PLCB1: variants seen among roughly 807,000 people sequenced by gnomAD.
PLCB1 encodes phospholipase C beta 1.
PLCB1 carries 46 observed loss-of-function variants against 161.8 expected under a neutral mutation model. That is an observed-to-expected ratio of 0.28 (90% CI 0.22 to 0.36). PLCB1 has a LOEUF of 0.36. Among genes scored for constraint, PLCB1 ranks in the 10% least tolerant of loss-of-function variants. The pLI is 1.00. For synonymous variants in PLCB1, 517 were observed against 503.7 expected, an observed-to-expected ratio of 1.03 and a Z score of -0.35; for missense variants, 1,016 against 1,472.5, an observed-to-expected ratio of 0.69 and a Z score of 5.07.
intron 3 of PLCB1, among the ~76,000 whole-genome samples, chr20:8,601,055 C>G (rs921091393): frequency 1.1e-4 from 16 of 151,966 alleles, no homozygotes; most frequent in Non-Finnish European, 2.1e-4. Context: ...AGAAATCACC[C>G]GTCTTCTGCG....
intron 31 of PLCB1, chr20:8,801,944 A>C (rs1568605160): frequency 1.4e-6 from 1 of 735,136 alleles, no homozygotes; most frequent in Admixed American, 2.1e-5. Context: ...TTAAAACTGT[A>C]CTCTAGAAGG....
intron 31 of PLCB1, among the ~76,000 whole-genome samples, chr20:8,828,623 T>C (rs1239669311): frequency 6.6e-6 from 1 of 152,226 alleles, no homozygotes; most frequent in Non-Finnish European, 1.5e-5. Context: ...ATAGGAGCTA[T>C]TGAGAATTTC....
chr20:8,683,515 A>C (rs1438070080), intron 9 of PLCB1, among the ~76,000 whole-genome samples: 3 of 152,180 alleles, frequency 2.0e-5, no homozygotes. Flanking sequence ...GATAGACCAA[A>C]ATACTTAAGA....
intron 3 of PLCB1, among the ~76,000 whole-genome samples, chr20:8,559,871 T>C (rs562578327): frequency 6.6e-6 from 1 of 152,116 alleles, no homozygotes; most frequent in South Asian, 2.1e-4. Flanking sequence ...CTGAGTTTCA[T>C]TGTGTATAAC....
At chr20:8,413,453 A>G (rs1254986977) in intron 3 of PLCB1, among the ~76,000 whole-genome samples, 1 of 152,240 alleles carries the variant, frequency 6.6e-6, no homozygotes, top group Non-Finnish European at 1.5e-5. Flanking sequence ...GTGCAAGTAA[A>G]GGCATTTTAA....
At chr20:8,724,604 GATAAT>G in intron 15 of PLCB1, 47 bp from the exon 16 acceptor site, 1 of 990,044 alleles carries the variant, frequency 1.0e-6, no homozygotes, top group Non-Finnish European at 1.6e-6. Context: ...GAAAATAACT[GATAAT>G]ATAATGCTGA....
At chr20:8,664,117 GA>G (rs1276469682) in intron 9 of PLCB1, among the ~76,000 whole-genome samples, 5 of 152,054 alleles carry the variant, frequency 3.3e-5, no homozygotes, top group African/African-American at 1.2e-4. Flanking sequence ...AGGTGTTCAT[GA>G]GTGTTTGTTA....
chr20:8,468,406 A>G (rs1349197122), intron 3 of PLCB1, among the ~76,000 whole-genome samples: 2 of 152,160 alleles, frequency 1.3e-5, no homozygotes, highest in East Asian at 1.9e-4. Flanking sequence ...GGAGTCTTGG[A>G]TATATAATCA....
intron 2 of PLCB1, among the ~76,000 whole-genome samples, chr20:8,309,424 G>C (rs1984290635): frequency 6.6e-6 from 1 of 152,138 alleles, no homozygotes; most frequent in African/African-American, 2.4e-5. Context: ...CATTCTTCTT[G>C]TTGTTGAATA....
chr20:8,807,954 G>A (rs1984619385), intron 31 of PLCB1, among the ~76,000 whole-genome samples: 1 of 152,088 alleles, frequency 6.6e-6, no homozygotes, highest in African/African-American at 2.4e-5. Flanking sequence ...CATTATAAAA[G>A]AGCTGTTTAC....
intron 31 of PLCB1, among the ~76,000 whole-genome samples, chr20:8,876,282 C>T (rs115902799): frequency 0.013 from 1,908 of 152,192 alleles, 45 homozygotes; most frequent in African/African-American, 0.044. Context: ...CATGTTCTTT[C>T]GTCTTTCTTG....
chr20:8,779,013 T>A (rs530347274), intron 27 of PLCB1, among the ~76,000 whole-genome samples: 3 of 152,260 alleles, frequency 2.0e-5, no homozygotes, highest in Admixed American at 6.5e-5. Flanking sequence ...CCAGGCTAAA[T>A]TAGACAAACC....
At chr20:8,410,098 A>G (rs184125576) in intron 3 of PLCB1, among the ~76,000 whole-genome samples, 35 of 152,262 alleles carry the variant, frequency 2.3e-4, no homozygotes, top group African/African-American at 7.7e-4. Flanking sequence ...ACTCAACATT[A>G]TATGCATATA....
In PLCB1 at chr20:8,774,634, A is replaced by G; in HGVS notation, c.3026A>G (p.Lys1009Arg). 6.2e-7 allele frequency: 1 copy of G among 1,614,062 alleles called. No homozygotes were observed. Among genetic ancestry groups the G allele is most frequent in the Non-Finnish European group, 8.5e-7 (1 of 1,179,916 alleles). The change falls in exon 27 of 32, where the codon AAG becomes AGG. Residue 1009 changes from lysine (K) to arginine (R), a missense_variant. By Grantham distance (26) the Lys-to-Arg change is conservative. This residue lies in a region of PLCB1 where 398 missense variants were observed against 445.4 expected (regional missense o/e 0.89). Coordinates refer to ENST00000338037, the MANE Select transcript of PLCB1 (RefSeq NM_015192.4). ...AEMTQKLIDL[K>R]DKQQQQLLNL... ...ATGACCCAAAAGTTAATAGACTTGA[A>G]GGACAAACAACAGCAGCAGCTGCTT... is the stretch of plus-strand genomic sequence containing the variant.
At chr20:8,325,273 A>C (rs1985104838) in intron 2 of PLCB1, among the ~76,000 whole-genome samples, 1 of 152,194 alleles carries the variant, frequency 6.6e-6, no homozygotes, top group Admixed American at 6.5e-5. Context: ...CTATCATCTG[A>C]GCTAAGATTG....
At chr20:8,178,998 A>G (rs941152733) in intron 2 of PLCB1, among the ~76,000 whole-genome samples, 1 of 152,012 alleles carries the variant, frequency 6.6e-6, no homozygotes, top group Non-Finnish European at 1.5e-5. Context: ...CTACGTGTCT[A>G]TTTTGTAACA....
chr20:8,322,811 G>A (rs908703290), intron 2 of PLCB1, among the ~76,000 whole-genome samples: 1 of 152,152 alleles, frequency 6.6e-6, no homozygotes, highest in African/African-American at 2.4e-5. Context: ...CCCTTGCTTG[G>A]TAGAGTGGGC....
chr20:8,863,684 T>A (rs1278980409), intron 31 of PLCB1, among the ~76,000 whole-genome samples: 1 of 152,228 alleles, frequency 6.6e-6, no homozygotes, highest in Non-Finnish European at 1.5e-5. Flanking sequence ...TTTACCATTA[T>A]AACCAAAAGA....
At chr20:8,807,844 A>ATATTT (rs1302763297) in intron 31 of PLCB1, among the ~76,000 whole-genome samples, 2 of 152,138 alleles carry the variant, frequency 1.3e-5, no homozygotes, top group Non-Finnish European at 2.9e-5. Context: ...GTTTATATTT[A>ATATTT]AATATAAATA....
Sources: allele counts gnomAD v4.1 joint callset (sites outside exome capture counted in the v4.1 genomes callset), GRCh38; gene constraint gnomAD v4.1.1; regional missense constraint gnomAD v4.1.1; transcripts MANE v1.5; gene names NCBI Gene and HGNC (gene_info 2026-07-23, HGNC 2026-07-21).